RAP1A: variants seen among roughly 807,000 people sequenced by gnomAD.
RAP1A encodes the protein RAP1A, member of RAS oncogene family.
A neutral mutation model predicts 26.4 loss-of-function variants in RAP1A; 6 were observed. The observed-to-expected ratio is 0.23, with a 90% CI of 0.12 to 0.45. The LOEUF (loss-of-function observed/expected upper bound fraction) is 0.45. Ranked by LOEUF, RAP1A falls within the 20% of genes least tolerant of loss-of-function variation. The pLI is 0.99. For synonymous variants in RAP1A, 73 were observed against 79.4 expected (o/e 0.92, Z 0.43); for missense variants, 121 against 217.2 (o/e 0.56, Z 2.78).
chr1:111,715,812 G>C lies in RAP1A; in HGVS notation c.*3411G>C, dbSNP rs1340031952. On this transcript the variant is annotated 3_prime_UTR_variant, in exon 8 of 8. Transcript: ENST00000369709. ...GAACATTTTTCTCCATAGAAGAATAGTAATAAGACATTCTACATTTCCTGG... is the reference window on the plus strand; with the variant it reads ...GAACATTTTTCTCCATAGAAGAATACTAATAAGACATTCTACATTTCCTGG... 1 of 152,194 alleles carries C rather than the reference G, an allele frequency of 6.6e-6. No homozygotes were observed. The highest frequency in any genetic ancestry group is 1.5e-5 in the Non-Finnish European group (1 of 68,022). The allele number at this position is 152,194 out of a possible 1,614,324, so 9.4% of individuals were successfully genotyped here.
At position 111,714,540 on chromosome 1, in the gene RAP1A, G is replaced by A. The variant is rs553807232; in HGVS notation, c.*2139G>A. ...ATTTTAGAATGTGGTGGAGAAAGAT[G>A]ATAGTTATTAGATTCCTTTGTCACA... On this transcript the variant is annotated 3_prime_UTR_variant, in exon 8 of 8. Coordinates refer to ENST00000369709, the MANE Select transcript of RAP1A (RefSeq NM_002884.4). The A allele has an allele frequency of 6.6e-6, 1 of 152,348 alleles. No individual in the cohort carries two copies. Among genetic ancestry groups the A allele is most frequent in the East Asian group, 1.9e-4 (1 of 5,184 alleles). The allele number at this position is 152,348 out of a possible 1,614,324, so 9.4% of individuals were successfully genotyped here. A position where few individuals can be genotyped will look rare whatever the true frequency, so the allele number is the denominator to read the frequency against.
chr1:111,619,932 G>T lies in RAP1A; in HGVS notation c.-30G>T. 2.5e-6 allele frequency: 1 copy of T among 397,604 alleles called. No homozygotes were observed. Among genetic ancestry groups the T allele is most frequent in the South Asian group, 1.3e-4 (1 of 7,856 alleles). 24.6% of individuals were successfully genotyped at this position (397,604 alleles called of 1,614,324 possible). On this transcript the variant is annotated splice_region_variant and 5_prime_UTR_variant, in exon 1 of 8. Coordinates refer to ENST00000369709, the MANE Select transcript of RAP1A (RefSeq NM_002884.4). ...GAGGTGGAGGAGGCGCCGGACCGGG[G>T]GGGTGAGTAAGGGGCGGGGAGCTCC...
chr1:111,640,118 G>A (rs1442440660), intron 1 of RAP1A, among the ~76,000 whole-genome samples: 3 of 152,154 alleles, frequency 2.0e-5, no homozygotes, highest in Non-Finnish European at 2.9e-5. Context: ...CTTTGGCCAA[G>A]CCTGTGATTG....
rs1661578081 is a variant in RAP1A, at chr1:111,688,819, T to TG, written c.-27-2515_-27-2514insG. On this transcript the variant is annotated intron_variant, in intron 1 of 7. Transcript: ENST00000369709. ...GGGTTTTTGTTTTTGTTTTTTTTTT[T>TG]TTGTTTTTTTTTTTGTTTTTTTGTT... Among the ~76,000 whole-genome samples the TG allele has an allele frequency of 4.1e-5, 3 of 73,500 alleles. No individual in the cohort carries two copies. The East Asian group carries it at 1.1e-3, about 26-fold the overall frequency. The allele number at this position is 73,500 out of a possible 152,430, so 48.2% of individuals were successfully genotyped here.
intron 1 of RAP1A, among the ~76,000 whole-genome samples, chr1:111,645,095 A>C (rs933705740): frequency 6.6e-6 from 1 of 152,248 alleles, no homozygotes; most frequent in African/African-American, 2.4e-5. Context: ...TGAGGGTCTT[A>C]TTAACACAGT....
chr1:111,640,885 G>C (rs1286201069), intron 1 of RAP1A, among the ~76,000 whole-genome samples: 1 of 152,062 alleles, frequency 6.6e-6, no homozygotes, highest in Non-Finnish European at 1.5e-5. Flanking sequence ...GATCGCTTGA[G>C]CATGGGAGGT....
intron 1 of RAP1A, among the ~76,000 whole-genome samples, chr1:111,663,096 T>C (rs1660690167): frequency 6.6e-6 from 1 of 152,108 alleles, no homozygotes; most frequent in African/African-American, 2.4e-5. Flanking sequence ...GTATTTTTAG[T>C]AGAGACAGGG....
intron 1 of RAP1A, among the ~76,000 whole-genome samples, chr1:111,564,792 G>A (rs769099470): frequency 1.3e-5 from 2 of 151,040 alleles, no homozygotes; most frequent in East Asian, 2.0e-4. Context: ...GATTACAGGC[G>A]TGAGCCACCA....
chr1:111,617,935 T>C (rs1378205923), upstream of RAP1A, among the ~76,000 whole-genome samples: 1 of 151,696 alleles, frequency 6.6e-6, no homozygotes, highest in Non-Finnish European at 1.5e-5. Flanking sequence ...CCCAGCTGCT[T>C]TGGAGGCTGA....
intron 1 of RAP1A, among the ~76,000 whole-genome samples, chr1:111,605,564 C>T (rs1658754272): frequency 6.6e-6 from 1 of 152,160 alleles, no homozygotes; most frequent in Admixed American, 6.5e-5. Flanking sequence ...TTCTCAACTG[C>T]TTGGAATTCA....
At chr1:111,591,802 C>T (rs1402810799) in intron 1 of RAP1A, among the ~76,000 whole-genome samples, 2 of 152,144 alleles carry the variant, frequency 1.3e-5, no homozygotes, top group Non-Finnish European at 2.9e-5. Context: ...CCATTGTTTT[C>T]AGTAAAATGG....
chr1:111,628,699 G>A (rs1385521124), intron 1 of RAP1A, among the ~76,000 whole-genome samples: 1 of 152,068 alleles, frequency 6.6e-6, no homozygotes, highest in Non-Finnish European at 1.5e-5. Flanking sequence ...CAAAAGGGAG[G>A]GTTTTGGAGG....
intron 1 of RAP1A, among the ~76,000 whole-genome samples, chr1:111,662,679 A>T (rs984956740): frequency 6.6e-6 from 1 of 152,186 alleles, no homozygotes; most frequent in African/African-American, 2.4e-5. Context: ...CAACTAAAAC[A>T]TTGATTCTCT....
chr1:111,713,252 G>T lies in RAP1A; in HGVS notation c.*851G>T, dbSNP rs1204004360. The stretch of plus-strand genomic sequence containing the variant: ...GGCTTTAAACTATACTAAGTAACTG[G>T]TGATTTCTCTAGGAACAGACCTCGC... On this transcript the variant is annotated 3_prime_UTR_variant, in exon 8 of 8. Coordinates refer to ENST00000369709, the MANE Select transcript of RAP1A (RefSeq NM_002884.4). The T allele has an allele frequency of 6.6e-6, 1 of 152,202 alleles. No homozygotes were observed. The highest frequency in any genetic ancestry group is 1.5e-5 in the Non-Finnish European group (1 of 67,976). 9.4% of individuals were successfully genotyped at this position (152,202 alleles called of 1,614,324 possible). A position where few individuals can be genotyped will look rare whatever the true frequency, so the allele number is the denominator to read the frequency against.
At chr1:111,655,398 A>C (rs750869385) in intron 1 of RAP1A, among the ~76,000 whole-genome samples, 1 of 152,120 alleles carries the variant, frequency 6.6e-6, no homozygotes, top group Non-Finnish European at 1.5e-5. Flanking sequence ...ATAGGAACAA[A>C]CTTTTTTTAA....
chr1:111,697,386 CAG>C (rs1661867180), intron 3 of RAP1A, 53 bp from the exon 4 acceptor site: 2 of 1,604,142 alleles, frequency 1.2e-6, no homozygotes, highest in East Asian at 2.2e-5. Flanking sequence ...GGGAAGAAAA[CAG>C]AATGAGATTT....
chr1:111,678,932 A>G (rs1441086819), intron 1 of RAP1A, among the ~76,000 whole-genome samples: 1 of 152,212 alleles, frequency 6.6e-6, no homozygotes, highest in Non-Finnish European at 1.5e-5. Flanking sequence ...GCTTAGTGCA[A>G]TGTCAATAGA....
intron 4 of RAP1A, among the ~76,000 whole-genome samples, chr1:111,698,239 C>T (rs1661900291): frequency 6.6e-6 from 1 of 152,114 alleles, no homozygotes; most frequent in Non-Finnish European, 1.5e-5. Flanking sequence ...AGACTTGACA[C>T]ATTAGGCAAT....
intron 1 of RAP1A, among the ~76,000 whole-genome samples, chr1:111,549,368 G>A (rs1399854436): frequency 2.7e-5 from 4 of 149,294 alleles, no homozygotes; most frequent in Admixed American, 2.7e-4. Flanking sequence ...ACATGGTCGG[G>A]CTGGGCACGG....
Sources: gnomAD v4.1 joint callset for allele counts (sites outside exome capture counted in the v4.1 genomes callset) on GRCh38, gnomAD v4.1.1 for gene constraint, MANE v1.5 for transcripts, NCBI Gene and HGNC (gene_info 2026-07-23, HGNC 2026-07-21) for gene names.